Variants in AASS observed in about 807,000 individuals in gnomAD.
AASS encodes aminoadipate-semialdehyde synthase, also known as alpha-aminoadipic semialdehyde synthase, mitochondrial.
A neutral mutation model predicts 105.4 loss-of-function variants in AASS; 86 were observed. The observed-to-expected ratio is 0.82, with a 90% confidence interval of 0.69 to 0.98. The LOEUF (loss-of-function observed/expected upper bound fraction) is 0.98, where lower values mean the gene tolerates loss of function less well. Among genes scored for constraint, AASS ranks in the 50% least tolerant of loss-of-function variants. The pLI is 0.00. For synonymous variants in AASS, 381 were observed against 394.8 expected, an observed-to-expected ratio of 0.96 and a Z score of 0.41; for missense variants, 1,048 against 1,143.2, an observed-to-expected ratio of 0.92 and a Z score of 1.20.
Position 122,086,017 on chromosome 7 carries a change from ATC to A in AASS, c.2177_2178del (p.Arg726IlefsTer2). On this transcript the variant is annotated frameshift_variant, in exon 19 of 24. Transcript: ENST00000417368. LOFTEE classifies it high-confidence loss of function. The stretch of plus-strand genomic sequence containing the variant: ...TCTAAAGTCCAGCTGCTTACCTTAT[ATC>A]TCAGTGTCCCCCGCAACAAAGTGTG... ...SAHTLLRGTL[R>X]YKGYMKALNG... 6.2e-7 allele frequency: 1 copy of A among 1,613,492 alleles called. No individual in the cohort carries two copies. Among genetic ancestry groups the A allele is most frequent in the Non-Finnish European group, 8.5e-7 (1 of 1,179,598 alleles).
At chr7:122,086,849 T>C (rs1404831433) in intron 18 of AASS, among the ~76,000 whole-genome samples, 1 of 152,152 alleles carries the variant, frequency 6.6e-6, no homozygotes, top group African/African-American at 2.4e-5. Context: ...AGTGATGAAA[T>C]AAAAATCTTT....
chr7:122,138,614 A>T (rs1217064838), intron 1 of AASS, among the ~76,000 whole-genome samples: 1 of 152,182 alleles, frequency 6.6e-6, no homozygotes, highest in Non-Finnish European at 1.5e-5. Flanking sequence ...AGACAGGAAG[A>T]TAATAGTGAA....
intron 1 of AASS, among the ~76,000 whole-genome samples, chr7:122,143,163 T>A (rs1050020455): frequency 1.4e-4 from 21 of 152,140 alleles, no homozygotes; most frequent in South Asian, 2.1e-4. Flanking sequence ...GGATTTTTTT[T>A]AATACAGTAT....
intron 17 of AASS, among the ~76,000 whole-genome samples, 199 bp from the exon 18 acceptor site, chr7:122,092,042 T>A (rs1385357480): frequency 1.3e-5 from 2 of 151,802 alleles, no homozygotes; most frequent in Non-Finnish European, 2.9e-5. Context: ...TATGTTTTTT[T>A]AAAAAAACTG....
intron 11 of AASS, among the ~76,000 whole-genome samples, chr7:122,111,763 C>T (rs1055217043): frequency 1.3e-5 from 2 of 151,944 alleles, no homozygotes; most frequent in Non-Finnish European, 2.9e-5. Context: ...ATTAGCCAGG[C>T]GTGGTGGCAC....
At chr7:122,139,241 T>G (rs1796280072) in intron 1 of AASS, among the ~76,000 whole-genome samples, 1 of 152,200 alleles carries the variant, frequency 6.6e-6, no homozygotes, top group Non-Finnish European at 1.5e-5. Context: ...TGATTCTCTT[T>G]AATTAAAAAA....
chr7:122,123,978 C>T (rs1795543145), intron 4 of AASS, among the ~76,000 whole-genome samples: 2 of 152,196 alleles, frequency 1.3e-5, no homozygotes, highest in South Asian at 4.1e-4. Flanking sequence ...AAGTGTCTCC[C>T]TCACCCCCTC....
chr7:122,117,056 T>A, intron 6 of AASS, 99 bp from the exon 7 acceptor site: 2 of 1,069,232 alleles, frequency 1.9e-6, no homozygotes, highest in South Asian at 2.6e-5. Context: ...ATTACATAGC[T>A]CCACTTGCCT....
At chr7:122,121,112 T>C (rs1795422670) in intron 4 of AASS, among the ~76,000 whole-genome samples, 1 of 152,118 alleles carries the variant, frequency 6.6e-6, no homozygotes, top group Non-Finnish European at 1.5e-5. Context: ...GAACTGTGTA[T>C]TTCTTAGTAT....
At chr7:122,101,738 T>C in intron 11 of AASS, 58 bp from the exon 12 acceptor site, 1 of 1,250,410 alleles carries the variant, frequency 8.0e-7, no homozygotes, top group Non-Finnish European at 1.2e-6. Flanking sequence ...GGCCTCTTGG[T>C]GTTTGTATCC....
intron 15 of AASS, 136 bp from the exon 16 acceptor site, chr7:122,093,294 A>G: frequency 2.7e-6 from 2 of 732,782 alleles, no homozygotes; most frequent in South Asian, 1.5e-5. Flanking sequence ...ACACTTATAC[A>G]CTGTTGGTGG....
intron 3 of AASS, among the ~76,000 whole-genome samples, chr7:122,127,922 T>C (rs1795730633): frequency 6.6e-6 from 1 of 152,154 alleles, no homozygotes; most frequent in South Asian, 2.1e-4. Flanking sequence ...AGATTATCCC[T>C]TTGAATGTCT....
chr7:122,111,670 G>A (rs910348396), intron 11 of AASS, among the ~76,000 whole-genome samples: 15 of 152,096 alleles, frequency 9.9e-5, no homozygotes, highest in African/African-American at 2.7e-4. Flanking sequence ...TTGGGAGGCC[G>A]AGGCGGGTGG....
intron 11 of AASS, among the ~76,000 whole-genome samples, chr7:122,102,191 T>A (rs75331762): frequency 3.3e-5 from 5 of 151,854 alleles, no homozygotes; most frequent in Admixed American, 2.6e-4. Flanking sequence ...ATTTCAAAGG[T>A]GGTAGCAAAA....
chr7:122,110,491 TAA>T (rs1192726735), intron 11 of AASS, among the ~76,000 whole-genome samples: 2 of 151,766 alleles, frequency 1.3e-5, no homozygotes, highest in African/African-American at 4.8e-5. Flanking sequence ...CCCTTAAAAC[TAA>T]AAAAAGAAAC....
intron 13 of AASS, among the ~76,000 whole-genome samples, chr7:122,099,608 T>C (rs1363945899): frequency 6.6e-6 from 1 of 151,924 alleles, no homozygotes; most frequent in East Asian, 1.9e-4. Context: ...TTGTCTTAAA[T>C]ATGGAATTTA....
chr7:122,077,771 T>A, intron 23 of AASS, 67 bp downstream of exon 23: 1 of 1,569,996 alleles, frequency 6.4e-7, no homozygotes, highest in Non-Finnish European at 8.8e-7. Context: ...AATTACTTGA[T>A]GTCCAGGCAC....
intron 8 of AASS, among the ~76,000 whole-genome samples, chr7:122,115,780 A>C (rs1290577084): frequency 1.3e-5 from 2 of 152,188 alleles, no homozygotes; most frequent in African/African-American, 2.4e-5. Flanking sequence ...TACTTCTGTG[A>C]TTGGGGAAAT....
chr7:122,096,229 T>C (rs1165330362), intron 15 of AASS, among the ~76,000 whole-genome samples: 1 of 152,184 alleles, frequency 6.6e-6, no homozygotes, highest in East Asian at 1.9e-4. Context: ...ATTATAACTA[T>C]GAGAATTGTA....
Sources: allele counts gnomAD v4.1 joint callset (sites outside exome capture counted in the v4.1 genomes callset), GRCh38; gene constraint gnomAD v4.1.1; transcripts MANE v1.5; gene names NCBI Gene and HGNC (gene_info 2026-07-23, HGNC 2026-07-21).